Variants in ERC2 observed in about 807,000 individuals in gnomAD.
ERC2 encodes the protein ERC protein 2.
ERC2 carries 42 observed loss-of-function variants against 114.8 expected under a neutral mutation model. That is an observed-to-expected ratio of 0.37 (90% confidence interval 0.29 to 0.47). The LOEUF (loss-of-function observed/expected upper bound fraction) is 0.47, where lower values mean the gene tolerates loss of function less well. ERC2 is among the 20% of genes least tolerant of loss of function. The probability of loss-of-function intolerance (pLI) is 0.99; values close to 1 mark genes in which losing one functional copy is unlikely to be tolerated. For synonymous variants in ERC2, 454 were observed against 425.5 expected, an observed-to-expected ratio of 1.07 and a Z score of -0.82; for missense variants, 939 against 1,150.7, an observed-to-expected ratio of 0.82 and a Z score of 2.66.
intron 6 of ERC2, among the ~76,000 whole-genome samples, chr3:56,089,305 G>A (rs2149781311): frequency 6.6e-6 from 1 of 152,248 alleles, no homozygotes. Flanking sequence ...CTGGTGAAGT[G>A]AATGGTATTT....
At chr3:56,195,720 G>C (rs1478952299) in intron 3 of ERC2, among the ~76,000 whole-genome samples, 2 of 151,974 alleles carry the variant, frequency 1.3e-5, no homozygotes, top group African/African-American at 4.8e-5. Flanking sequence ...CCAGCTACTG[G>C]GGACTCTGAG....
chr3:55,919,703 G>C (rs546761124), intron 13 of ERC2, among the ~76,000 whole-genome samples: 5 of 152,256 alleles, frequency 3.3e-5, no homozygotes, highest in Admixed American at 6.5e-5. Context: ...TAAAGCAGAA[G>C]AAGGAGATGA....
chr3:55,979,339 T>G (rs2069874988), intron 12 of ERC2, among the ~76,000 whole-genome samples: 1 of 152,194 alleles, frequency 6.6e-6, no homozygotes, highest in African/African-American at 2.4e-5. Flanking sequence ...GTGGTTATGT[T>G]CTCAAAACCT....
intron 10 of ERC2, among the ~76,000 whole-genome samples, chr3:56,002,392 C>CA (rs1308770277): frequency 6.6e-6 from 1 of 152,036 alleles, no homozygotes; most frequent in Non-Finnish European, 1.5e-5. Context: ...GTTCACTGAA[C>CA]AAAAAAGCTT....
intron 4 of ERC2, among the ~76,000 whole-genome samples, chr3:56,158,125 A>G (rs1252772504): frequency 6.6e-6 from 1 of 152,198 alleles, no homozygotes; most frequent in African/African-American, 2.4e-5. Context: ...GCCCCCTGAG[A>G]GTCCAAATTG....
chr3:55,879,234 G>A (rs1281042930), intron 14 of ERC2, among the ~76,000 whole-genome samples: 1 of 151,810 alleles, frequency 6.6e-6, no homozygotes, highest in Non-Finnish European at 1.5e-5. Flanking sequence ...GGAGGGTCTT[G>A]GAGATTGCCT....
chr3:55,739,655 A>T (rs2065862682), intron 14 of ERC2, among the ~76,000 whole-genome samples: 1 of 152,100 alleles, frequency 6.6e-6, no homozygotes, highest in African/African-American at 2.4e-5. Context: ...TCTGGATATT[A>T]GTCCTTTGTC....
chr3:55,598,717 C>T lies in ERC2; in HGVS notation c.*39+85077G>A, dbSNP rs113369026. Among the ~76,000 whole-genome samples the T allele has an allele frequency of 6.9e-3, 1,046 of 152,374 alleles. 13 individuals are homozygous for T. The highest frequency in any genetic ancestry group is 0.023 in the African/African-American group (957 of 41,586). On this transcript the variant is annotated intron_variant, in intron 17 of 17. Transcript: ENST00000288221. Reference sequence around the variant, plus strand: ...CCTGTTACAGTGGACCTAGAAAAATCCTGGCCAATGCCAGATGTATTTGTT... The same window carrying T: ...CCTGTTACAGTGGACCTAGAAAAATTCTGGCCAATGCCAGATGTATTTGTT...
chr3:55,579,818 G>A (rs2057169022), intron 17 of ERC2, among the ~76,000 whole-genome samples: 1 of 152,230 alleles, frequency 6.6e-6, no homozygotes, highest in Non-Finnish European at 1.5e-5. Flanking sequence ...TTGCGTTGAA[G>A]AGCCACAGGC....
chr3:56,387,398 A>G (rs2059972837), intron 2 of ERC2, among the ~76,000 whole-genome samples: 1 of 152,168 alleles, frequency 6.6e-6, no homozygotes, highest in Non-Finnish European at 1.5e-5. Context: ...TGTACAATGC[A>G]AAGTGATTTT....
intron 3 of ERC2, among the ~76,000 whole-genome samples, chr3:56,222,643 G>C (rs1309609243): frequency 6.6e-6 from 1 of 152,194 alleles, no homozygotes; most frequent in East Asian, 1.9e-4. Context: ...TGGAAGGTCA[G>C]AGTACAGTCA....
chr3:56,046,336 C>T (rs2075457355), intron 7 of ERC2, among the ~76,000 whole-genome samples: 1 of 152,140 alleles, frequency 6.6e-6, no homozygotes, highest in African/African-American at 2.4e-5. Flanking sequence ...GACATGGGTC[C>T]AGGAAGAAGC....
intron 6 of ERC2, among the ~76,000 whole-genome samples, chr3:56,090,935 A>G (rs954862062): frequency 2.0e-5 from 3 of 152,106 alleles, no homozygotes; most frequent in Non-Finnish European, 4.4e-5. Flanking sequence ...ATCTACTTTC[A>G]TTGTAGAAAT....
chr3:55,960,815 C>T lies in ERC2; in HGVS notation c.2268-10255G>A, dbSNP rs573625732. ...TATCTTCCTCCCTCGAAAAACATTT[C>T]ATTGGATCTCCACTGCCTGTAAAAC... On this transcript the variant is annotated intron_variant, in intron 12 of 17. Coordinates refer to ENST00000288221, the MANE Select transcript of ERC2 (RefSeq NM_015576.3). Among the ~76,000 whole-genome samples the T allele has an allele frequency of 6.4e-4, 97 of 152,344 alleles. 1 individual carries two copies. Among genetic ancestry groups the T allele is most frequent in the Non-Finnish European group, 9.8e-4 (67 of 68,032 alleles).
intron 11 of ERC2, among the ~76,000 whole-genome samples, chr3:55,989,175 A>G (rs1486758998): frequency 6.6e-6 from 1 of 152,230 alleles, no homozygotes; most frequent in East Asian, 1.9e-4. Flanking sequence ...GGGAGGCATC[A>G]GCTTTAAGGG....
chr3:55,780,905 C>T (rs904468942), intron 14 of ERC2, among the ~76,000 whole-genome samples: 12 of 152,188 alleles, frequency 7.9e-5, no homozygotes, highest in Admixed American at 5.2e-4. Flanking sequence ...TACGCCAAGA[C>T]GAGCTCACTC....
intron 7 of ERC2, among the ~76,000 whole-genome samples, chr3:56,053,541 A>G (rs995720590): frequency 1.3e-5 from 2 of 152,174 alleles, no homozygotes; most frequent in African/African-American, 4.8e-5. Flanking sequence ...TGTCCTTGCC[A>G]TTACAATTAT....
intron 12 of ERC2, among the ~76,000 whole-genome samples, chr3:55,979,324 G>A (rs771851432): frequency 2.0e-5 from 3 of 152,176 alleles, no homozygotes; most frequent in African/African-American, 4.8e-5. Flanking sequence ...CATGTGAGAC[G>A]GGTGGTGGTT....
At chr3:56,238,679 G>A (rs1023603155) in intron 3 of ERC2, among the ~76,000 whole-genome samples, 6 of 152,268 alleles carry the variant, frequency 3.9e-5, no homozygotes, top group Middle Eastern at 3.4e-3. Flanking sequence ...TTTGGTCTGC[G>A]GGTCTCTGTT....
Sources: gnomAD v4.1 joint callset for allele counts (sites outside exome capture counted in the v4.1 genomes callset) on GRCh38, gnomAD v4.1.1 for gene constraint, MANE v1.5 for transcripts, NCBI Gene and HGNC (gene_info 2026-07-23, HGNC 2026-07-21) for gene names.